Variants in KRT82 observed in about 807,000 individuals in gnomAD.
KRT82 encodes keratin 82.
Under a neutral mutation model 48.0 loss-of-function variants are expected in KRT82, and 44 were observed. The ratio of observed to expected loss-of-function variants is 0.92; its 90% CI spans 0.72 to 1.18. The LOEUF is 1.18. Among genes scored for constraint, KRT82 ranks in the 50% most tolerant of loss-of-function variants. The pLI, the probability that KRT82 is intolerant of heterozygous loss-of-function variation, is 0.00. For synonymous variants in KRT82, 297 were observed against 278.3 expected (o/e 1.07, Z -0.67); for missense variants, 701 against 671.4 (o/e 1.04, Z -0.49).
chr12:52,401,323 G>A lies in KRT82; in HGVS notation c.647C>T (p.Pro216Leu). ...KKYEEELSLR[P>L]CVENEFVALK... is the part of the protein sequence containing the mutation. ...GGCAACAAACTCATTCTCAACACAG[G>A]GACGCAGGGAGAGCTCCTCTTCGTA... Residue 216 changes from proline (P) to leucine (L), a missense_variant, in exon 3 of 9, where the codon CCC (proline) becomes CTC (leucine). Transcript: ENST00000257974. The A allele has an allele frequency of 1.2e-6, 2 of 1,614,072 alleles. No homozygotes were observed. The highest frequency in any genetic ancestry group is 4.5e-5 in the East Asian group (2 of 44,884).
At chr12:52,397,409 C>T (rs1939730348) in intron 5 of KRT82, among the ~76,000 whole-genome samples, 2 of 152,132 alleles carry the variant, frequency 1.3e-5, no homozygotes, top group African/African-American at 4.8e-5. Flanking sequence ...CCAAGGACTG[C>T]CCATTAGGAT....
chr12:52,396,758 G>T, intron 6 of KRT82, 125 bp downstream of exon 6: 1 of 1,078,450 alleles, frequency 9.3e-7, no homozygotes. Context: ...GCTTGAGCAA[G>T]GCAGCACAAG....
At position 52,394,562 on chromosome 12, in the gene KRT82, G is replaced by A; in HGVS notation, c.*413C>T. 5.2e-6 allele frequency: 1 copy of A among 191,234 alleles called. No individual in the cohort carries two copies. Among genetic ancestry groups the A allele is most frequent in the Admixed American group, 5.4e-5 (1 of 18,360 alleles). The allele number at this position is 191,234 out of a possible 1,614,324, so 11.8% of individuals were successfully genotyped here. On this transcript the variant is annotated 3_prime_UTR_variant, in exon 9 of 9. Transcript: ENST00000257974. ...TGTTAAAGGAAATTCACTTTTCTTA[G>A]GGGCATGAGAGCCTAAAGTAAGGGC...
chr12:52,402,434 C>G (rs1939801836), intron 2 of KRT82: 1 of 152,364 alleles, frequency 6.6e-6, no homozygotes, highest in Non-Finnish European at 1.5e-5. Context: ...CTCACTGCAT[C>G]TCACCTGTCA....
At chr12:52,401,480 C>T (rs1198610417) in intron 2 of KRT82, 131 bp from the exon 3 acceptor site, 4 of 800,832 alleles carry the variant, frequency 5.0e-6, no homozygotes, top group South Asian at 1.6e-5. Context: ...AGGTCCAGCC[C>T]TGTCTTGGCA....
At position 52,394,943 on chromosome 12, in the gene KRT82, G is replaced by A. The variant is rs1939689874; in HGVS notation, c.*32C>T. On this transcript the variant is annotated 3_prime_UTR_variant, in exon 9 of 9. Coordinates refer to ENST00000257974, the MANE Select transcript of KRT82 (RefSeq NM_033033.4). The stretch of plus-strand genomic sequence containing the variant: ...GTGTGACATCCAGGGCCATGGGGCA[G>A]GGGCTCTGTCTCCTGGATGTCTCGG... 6.3e-7 allele frequency: 1 copy of A among 1,579,482 alleles called. No homozygotes were observed. The highest frequency in any genetic ancestry group is 1.3e-5 in the African/African-American group (1 of 74,278).
chr12:52,398,041 A>G (rs1004229310), intron 5 of KRT82, among the ~76,000 whole-genome samples: 8 of 152,110 alleles, frequency 5.3e-5, no homozygotes, highest in African/African-American at 1.9e-4. Flanking sequence ...ATAGAGCAAG[A>G]CTCCATCTCA....
chr12:52,399,402 A>G (rs1236675155), intron 5 of KRT82, among the ~76,000 whole-genome samples: 1 of 152,250 alleles, frequency 6.6e-6, no homozygotes, highest in Non-Finnish European at 1.5e-5. Context: ...CTGAATACAC[A>G]GTGTTGAATG....
At chr12:52,403,563 A>T in intron 2 of KRT82, 138 bp downstream of exon 2, 1 of 663,706 alleles carries the variant, frequency 1.5e-6, no homozygotes, top group East Asian at 2.5e-5. Flanking sequence ...TGCCCTGCTG[A>T]CACCATCCCA....
In KRT82 at chr12:52,395,810, G is replaced by T; in HGVS notation, c.1290-20C>A. 1 of 1,534,758 alleles carries T rather than the reference G, an allele frequency of 6.5e-7. No individual in the cohort carries two copies. The highest frequency in any genetic ancestry group is 8.8e-7 in the Non-Finnish European group (1 of 1,139,236). Reference sequence around the variant, plus strand: ...CACAGCCTGGGGATGAGAGGAAAAAGAAAACAGGTATCTACATCAAACAGA... The same window carrying T: ...CACAGCCTGGGGATGAGAGGAAAAATAAAACAGGTATCTACATCAAACAGA... On this transcript the variant is annotated intron_variant, in intron 7 of 8. Coordinates refer to ENST00000257974, the MANE Select transcript of KRT82 (RefSeq NM_033033.4).
intron 5 of KRT82, among the ~76,000 whole-genome samples, chr12:52,399,183 A>G (rs1939754212): frequency 6.6e-6 from 1 of 152,074 alleles, no homozygotes. Context: ...CCCCTGGTTT[A>G]TTTGCTTCCT....
At chr12:52,404,031 G>T (rs570242907) in intron 1 of KRT82, 122 bp from the exon 2 acceptor site, 1 of 884,270 alleles carries the variant, frequency 1.1e-6, no homozygotes, top group African/African-American at 1.7e-5. Flanking sequence ...ACTAGAATTT[G>T]CAAAAATCAG....
intron 6 of KRT82, 125 bp downstream of exon 6, chr12:52,396,758 G>A (rs113205140): frequency 2.0e-5 from 22 of 1,078,450 alleles, no homozygotes; most frequent in African/African-American, 1.6e-4. Context: ...GCTTGAGCAA[G>A]GCAGCACAAG....
chr12:52,402,669 A>T (rs1306982570), intron 2 of KRT82, among the ~76,000 whole-genome samples: 2 of 149,290 alleles, frequency 1.3e-5, no homozygotes, highest in Non-Finnish European at 3.0e-5. Context: ...GTGTAGGTGC[A>T]GGTGGTCTGT....
intron 1 of KRT82, 121 bp downstream of exon 1, chr12:52,405,746 C>T (rs1345067864): frequency 2.1e-6 from 2 of 951,084 alleles, no homozygotes; most frequent in East Asian, 2.5e-5. Flanking sequence ...GTGAGGGAGG[C>T]CACTGGATAA....
In KRT82 at chr12:52,406,000, G is replaced by T. The variant is rs1299042528; in HGVS notation, c.278C>A (p.Thr93Asn). 1.2e-6 allele frequency: 2 copies of T among 1,614,250 alleles called. No homozygotes were observed. The highest frequency in any genetic ancestry group is 4.5e-5 in the East Asian group (2 of 44,888). ...GATCGPSACI[T>N]PVTINESLLV... ...CAGGCTCTCATTGATGGTGACAGGGGTGATGCAGGCAGAAGGCCCACAGGT... is the reference window on the plus strand; with the variant it reads ...CAGGCTCTCATTGATGGTGACAGGGTTGATGCAGGCAGAAGGCCCACAGGT... Residue 93 changes from threonine to asparagine, a missense_variant, in exon 1 of 9, where the codon ACC becomes AAC. Coordinates refer to ENST00000257974, the MANE Select transcript of KRT82 (RefSeq NM_033033.4).
chr12:52,399,879 T>C (rs1398931224), intron 5 of KRT82, 106 bp downstream of exon 5: 5 of 1,159,742 alleles, frequency 4.3e-6, no homozygotes, highest in Non-Finnish European at 6.2e-6. Context: ...ATGGCGTGGC[T>C]CTCATTAGCT....
rs1791634 is a variant in KRT82, at chr12:52,401,315, C to G, written c.655G>C (p.Glu219Gln). The change falls in exon 3 of 9, where the codon GAG becomes CAG. Residue 219 changes from glutamate (E) to glutamine (Q), a missense_variant. Coordinates refer to ENST00000257974, the MANE Select transcript of KRT82 (RefSeq NM_033033.4). The part of the protein sequence containing the change: ...EEELSLRPCV[E>Q]NEFVALKKDV... ...TTCTTCAAGGCAACAAACTCATTCT[C>G]AACACAGGGACGCAGGGAGAGCTCC... is the stretch of plus-strand genomic sequence containing the variant. The G allele has an allele frequency of 1.3e-3, 2,081 of 1,614,034 alleles. 20 individuals are homozygous for G. The African/African-American group carries it at 0.024, about 19-fold the overall frequency.
chr12:52,395,921 C>G, intron 7 of KRT82, 91 bp downstream of exon 7: 1 of 1,555,718 alleles, frequency 6.4e-7, no homozygotes, highest in Non-Finnish European at 8.8e-7. Flanking sequence ...GGGTAGGGGA[C>G]GGGGTGAGAG....
Sources: allele counts gnomAD v4.1 joint callset (sites outside exome capture counted in the v4.1 genomes callset), GRCh38; gene constraint gnomAD v4.1.1; transcripts MANE v1.5; gene names NCBI Gene and HGNC (gene_info 2026-07-23, HGNC 2026-07-21).